KANK1: variants seen among roughly 807,000 people sequenced by gnomAD.
KANK1 encodes the protein KN motif and ankyrin repeat domains 1, also known as KN motif and ankyrin repeat domain-containing protein 1.
In KANK1, 109 loss-of-function variants were observed where a neutral mutation model predicts 106.2. The observed-to-expected ratio is 1.03, with a 90% CI of 0.88 to 1.20. The LOEUF is 1.20. Ranked by LOEUF, KANK1 falls within the 50% of genes most tolerant of loss-of-function variation. KANK1 has a pLI of 0.00. For synonymous variants in KANK1, 873 were observed against 652.2 expected, an observed-to-expected ratio of 1.34 and a Z score of -5.16; for missense variants, 2,399 against 1,710.7, an observed-to-expected ratio of 1.40 and a Z score of -7.10.
chr9:537,517 C>T (rs538158505), intron 1 of KANK1, among the ~76,000 whole-genome samples: 1 of 151,994 alleles, frequency 6.6e-6, no homozygotes, highest in African/African-American at 2.4e-5. Context: ...TGGGGGGGCT[C>T]TTTTTTTCTC....
intron 1 of KANK1, among the ~76,000 whole-genome samples, chr9:645,962 T>C (rs961288096): frequency 4.0e-5 from 6 of 151,014 alleles, no homozygotes; most frequent in Non-Finnish European, 7.4e-5. Flanking sequence ...CAAACACTTA[T>C]TGAATGCTTA....
intron 1 of KANK1, among the ~76,000 whole-genome samples, chr9:610,865 G>A (rs1355091161): frequency 1.3e-5 from 2 of 152,144 alleles, no homozygotes; most frequent in Non-Finnish European, 1.5e-5. Flanking sequence ...ACTGAGACTG[G>A]GCAAAGGGAA....
chr9:647,548 T>A (rs1839947289), intron 1 of KANK1, among the ~76,000 whole-genome samples: 1 of 150,836 alleles, frequency 6.6e-6, no homozygotes, highest in Non-Finnish European at 1.5e-5. Flanking sequence ...GAAAATATAT[T>A]TAATCCCCAC....
chr9:540,156 T>C (rs986235912), intron 1 of KANK1, among the ~76,000 whole-genome samples: 2 of 152,250 alleles, frequency 1.3e-5, no homozygotes, highest in Non-Finnish European at 2.9e-5. Context: ...CTGAGTATGA[T>C]ATTAGCTACG....
chr9:580,204 C>T (rs1366517006), intron 1 of KANK1, among the ~76,000 whole-genome samples: 2 of 151,840 alleles, frequency 1.3e-5, no homozygotes, highest in Non-Finnish European at 2.9e-5. Flanking sequence ...TGGAGTTGTT[C>T]GTTCCTCCGG....
intron 1 of KANK1, among the ~76,000 whole-genome samples, chr9:639,329 A>AT: frequency 6.6e-6 from 1 of 151,726 alleles, no homozygotes; most frequent in Non-Finnish European, 1.5e-5. Context: ...TTATTTATTT[A>AT]TTATTATTAT....
intron 2 of KANK1, among the ~76,000 whole-genome samples, chr9:689,853 CTG>C (rs1331102431): frequency 6.6e-6 from 1 of 152,112 alleles, no homozygotes; most frequent in African/African-American, 2.4e-5. Context: ...TCCTTTCACT[CTG>C]TCTCTTTCTA....
intron 2 of KANK1, among the ~76,000 whole-genome samples, chr9:692,773 G>A (rs1563997474): frequency 1.3e-5 from 2 of 151,968 alleles, no homozygotes; most frequent in Admixed American, 6.6e-5. Flanking sequence ...CCAGCACTTT[G>A]GGAAGCCAAA....
chr9:585,578 C>T (rs186345069), intron 1 of KANK1, among the ~76,000 whole-genome samples: 2 of 152,338 alleles, frequency 1.3e-5, no homozygotes, highest in East Asian at 1.9e-4. Context: ...ATACAATCCA[C>T]ACTGAAGTAA....
chr9:519,254 G>C (rs1224848538), intron 1 of KANK1, among the ~76,000 whole-genome samples: 1 of 151,702 alleles, frequency 6.6e-6, no homozygotes, highest in Non-Finnish European at 1.5e-5. Context: ...TCTCACGACA[G>C]CCTCTGGATA....
chr9:504,049 A>G (rs1045280937), upstream of KANK1, among the ~76,000 whole-genome samples: 6 of 152,016 alleles, frequency 3.9e-5, no homozygotes, highest in African/African-American at 1.4e-4. Flanking sequence ...CGCCGGGGCG[A>G]CCGTGCTGAC....
chr9:719,851 G>A lies in KANK1; in HGVS notation c.2698+6387G>A, dbSNP rs556437518. On this transcript the variant is annotated intron_variant, in intron 3 of 11. Transcript: ENST00000382297. ...CTGCAGCCCCCAACTTCTGGGCTCA[G>A]GGCTCAAGTGATCCTCCCACCTTCC... Among the ~76,000 whole-genome samples, 4 of 152,148 alleles carry A rather than the reference G, an allele frequency of 2.6e-5. No individual in the cohort carries two copies. In the South Asian group the frequency reaches 8.3e-4, roughly 32 times the overall value.
At chr9:632,219 C>T (rs10815387) in intron 1 of KANK1, among the ~76,000 whole-genome samples, 22,503 of 152,048 alleles carry the variant, frequency 0.15, 1,832 homozygotes, top group Admixed American at 0.17. Context: ...ATATTGGCAG[C>T]CAGCTTTTCC....
At chr9:651,601 C>T (rs1286833341) in intron 1 of KANK1, among the ~76,000 whole-genome samples, 1 of 152,192 alleles carries the variant, frequency 6.6e-6, no homozygotes. Context: ...CATACTCAGC[C>T]TGTTCTCTCA....
intron 1 of KANK1, among the ~76,000 whole-genome samples, chr9:661,045 C>T (rs1843182336): frequency 6.6e-6 from 1 of 151,532 alleles, no homozygotes; most frequent in Non-Finnish European, 1.5e-5. Context: ...CAACAGCTGT[C>T]CAATTTCATG....
At chr9:536,844 A>G (rs569806060) in intron 1 of KANK1, among the ~76,000 whole-genome samples, 2 of 152,274 alleles carry the variant, frequency 1.3e-5, no homozygotes, top group South Asian at 2.1e-4. Flanking sequence ...TGTAGACACA[A>G]TACAGTTAAC....
At chr9:576,993 C>T (rs1820735349) in intron 1 of KANK1, among the ~76,000 whole-genome samples, 1 of 152,172 alleles carries the variant, frequency 6.6e-6, no homozygotes, top group Non-Finnish European at 1.5e-5. Context: ...TTCAGATGTT[C>T]AGATGAGTCC....
chr9:511,686 TACTC>T (rs775792725), intron 1 of KANK1, among the ~76,000 whole-genome samples: 5 of 152,332 alleles, frequency 3.3e-5, no homozygotes, highest in East Asian at 1.9e-4. Flanking sequence ...GAATTTCTAA[TACTC>T]ACACATAGTG....
intron 3 of KANK1, 145 bp downstream of exon 3, chr9:713,609 CTA>C: frequency 1.1e-6 from 1 of 895,108 alleles, no homozygotes; most frequent in Non-Finnish European, 1.6e-6. Context: ...AGAATGAAAA[CTA>C]AGAATCAAAA....
Sources: gnomAD v4.1 joint callset for allele counts (sites outside exome capture counted in the v4.1 genomes callset) on GRCh38, gnomAD v4.1.1 for gene constraint, MANE v1.5 for transcripts, NCBI Gene and HGNC (gene_info 2026-07-23, HGNC 2026-07-21) for gene names.